SORCS1: variants seen among roughly 807,000 people sequenced by gnomAD.
The protein encoded by SORCS1 is VPS10 domain-containing receptor SorCS1.
Under a neutral mutation model 146.1 loss-of-function variants are expected in SORCS1, and 60 were observed. That is an observed-to-expected ratio of 0.41 (90% CI 0.33 to 0.51). The LOEUF (loss-of-function observed/expected upper bound fraction) is 0.51. Ranked by LOEUF, SORCS1 falls within the 20% of genes least tolerant of loss-of-function variation. SORCS1 has a pLI of 0.21. For missense variants in SORCS1, 1,352 were observed against 1,487.6 expected (o/e 0.91, Z 1.50); for synonymous variants, 637 against 584.0 (o/e 1.09, Z -1.31).
At chr10:106,718,453 T>C (rs566762609) in intron 6 of SORCS1, among the ~76,000 whole-genome samples, 6 of 152,358 alleles carry the variant, frequency 3.9e-5, no homozygotes, top group Admixed American at 2.0e-4. Flanking sequence ...TGTTCAGATG[T>C]GTCCAGAGTT....
intron 10 of SORCS1, among the ~76,000 whole-genome samples, chr10:106,682,219 C>T (rs890151123): frequency 1.3e-5 from 2 of 152,104 alleles, no homozygotes; most frequent in Non-Finnish European, 2.9e-5. Flanking sequence ...TTTCCATTGG[C>T]TACCTCAGCA....
intron 4 of SORCS1, among the ~76,000 whole-genome samples, chr10:106,768,929 C>T (rs1890456): frequency 0.28 from 42,100 of 151,950 alleles, 5,952 homozygotes; most frequent in Non-Finnish European, 0.3. Flanking sequence ...TATTATTGTT[C>T]CCACTTTACA....
intron 1 of SORCS1, among the ~76,000 whole-genome samples, chr10:106,994,063 C>CAAAAAA (rs67408221): frequency 4.1e-3 from 325 of 80,006 alleles, no homozygotes; most frequent in East Asian, 6.6e-3. Flanking sequence ...GACCCCATCT[C>CAAAAAA]AAAAAAAAAA....
chr10:106,987,187 G>A (rs964590860), intron 1 of SORCS1, among the ~76,000 whole-genome samples: 5 of 152,128 alleles, frequency 3.3e-5, no homozygotes, highest in Non-Finnish European at 7.4e-5. Context: ...GAGACTCTTT[G>A]GATTTTCACT....
chr10:107,078,732 T>A (rs1255836300), intron 1 of SORCS1, among the ~76,000 whole-genome samples: 1 of 152,160 alleles, frequency 6.6e-6, no homozygotes, highest in African/African-American at 2.4e-5. Context: ...CCTCTCCTCT[T>A]CCAAGAAAAC....
At chr10:107,058,692 G>A (rs1246009883) in intron 1 of SORCS1, among the ~76,000 whole-genome samples, 1 of 152,144 alleles carries the variant, frequency 6.6e-6, no homozygotes, top group Non-Finnish European at 1.5e-5. Context: ...TTATCTCATA[G>A]GGTGGTGAGT....
chr10:107,042,242 T>C (rs969829216), intron 1 of SORCS1, among the ~76,000 whole-genome samples: 2 of 152,200 alleles, frequency 1.3e-5, no homozygotes, highest in Admixed American at 6.5e-5. Context: ...ATTTCTGGCA[T>C]TGTAGAATTA....
intron 5 of SORCS1, among the ~76,000 whole-genome samples, chr10:106,741,169 T>C (rs1857333518): frequency 6.6e-6 from 1 of 151,962 alleles, no homozygotes; most frequent in Non-Finnish European, 1.5e-5. Context: ...CCACTCAGAG[T>C]GTATCAAGGT....
intron 1 of SORCS1, among the ~76,000 whole-genome samples, chr10:107,153,254 G>C (rs183240815): frequency 2.8e-4 from 42 of 151,900 alleles, no homozygotes; most frequent in Admixed American, 8.5e-4. Flanking sequence ...CCTTACTGTG[G>C]CCTTACGATA....
chr10:106,822,257 T>C (rs906489564), intron 3 of SORCS1, among the ~76,000 whole-genome samples: 3 of 152,186 alleles, frequency 2.0e-5, no homozygotes, highest in African/African-American at 7.2e-5. Flanking sequence ...AATAGGTGCT[T>C]TGATTTATAT....
intron 2 of SORCS1, among the ~76,000 whole-genome samples, chr10:106,871,073 T>C (rs1162648410): frequency 2.6e-5 from 4 of 152,114 alleles, no homozygotes; most frequent in African/African-American, 9.7e-5. Flanking sequence ...AAAGAAGACA[T>C]ACATGCAGCC....
intron 1 of SORCS1, among the ~76,000 whole-genome samples, chr10:107,131,017 T>C (rs181126473): frequency 1.3e-5 from 2 of 152,328 alleles, no homozygotes; most frequent in Admixed American, 1.3e-4. Context: ...TTGCCTATTC[T>C]GTATAACTCA....
At chr10:107,177,366 T>G in the SORCS1 span, among the ~76,000 whole-genome samples, 1 of 152,166 alleles carries the variant, frequency 6.6e-6, no homozygotes, top group African/African-American at 2.4e-5. Flanking sequence ...TTTCCCCCAA[T>G]GGTAACATCT....
Position 106,994,086 on chromosome 10 carries a change from A to AAAAAAAAAAAAAAAAAAAAG in SORCS1, c.559-37507_559-37506insCTTTTTTTTTTTTTTTTTTT, listed in dbSNP as rs1554908001. 7.4e-5 allele frequency among the ~76,000 whole-genome samples: 10 copies of AAAAAAAAAAAAAAAAAAAAG among 134,996 alleles called. 1 individual carries two copies. Among genetic ancestry groups the AAAAAAAAAAAAAAAAAAAAG allele is most frequent in the African/African-American group, 3.5e-4 (10 of 28,368 alleles). 88.6% of individuals were successfully genotyped at this position (134,996 alleles called of 152,430 possible). A position where few individuals can be genotyped will look rare whatever the true frequency, so the allele number is the denominator to read the frequency against. ...CTCAAAAAAAAAAAAAAAAAAAAAA[A>AAAAAAAAAAAAAAAAAAAAG]AGAAAATGAGAAGCAAACAAATTCA... On this transcript the variant is annotated intron_variant, in intron 1 of 25. Transcript: ENST00000263054.
intron 5 of SORCS1, among the ~76,000 whole-genome samples, chr10:106,739,424 G>T (rs1364377426): frequency 1.3e-5 from 2 of 151,432 alleles, no homozygotes; most frequent in Non-Finnish European, 2.9e-5. Context: ...GGCAGAGGCC[G>T]CAGTGAGCCA....
At chr10:106,635,732 C>G (rs1465297719) in intron 18 of SORCS1, among the ~76,000 whole-genome samples, 1 of 152,028 alleles carries the variant, frequency 6.6e-6, no homozygotes, top group Admixed American at 6.6e-5. Flanking sequence ...GTAACAAAGA[C>G]TTTGTTTTGA....
chr10:107,096,323 T>C (rs956339181), intron 1 of SORCS1, among the ~76,000 whole-genome samples: 14 of 152,230 alleles, frequency 9.2e-5, no homozygotes, highest in African/African-American at 3.4e-4. Flanking sequence ...GGTAGACAGA[T>C]CACTAGGTTT....
intron 2 of SORCS1, among the ~76,000 whole-genome samples, chr10:106,830,833 C>G (rs1948511232): frequency 6.6e-6 from 1 of 151,680 alleles, no homozygotes; most frequent in Non-Finnish European, 1.5e-5. Flanking sequence ...GAGGCAGAGA[C>G]TGTAGTGAGC....
intron 18 of SORCS1, among the ~76,000 whole-genome samples, chr10:106,630,001 T>C (rs903597013): frequency 1.6e-4 from 24 of 152,140 alleles, no homozygotes; most frequent in Non-Finnish European, 3.4e-4. Context: ...GCCAAGATCA[T>C]GCCACTGCAC....
Sources: gnomAD v4.1 joint callset for allele counts (sites outside exome capture counted in the v4.1 genomes callset) on GRCh38, gnomAD v4.1.1 for gene constraint, MANE v1.5 for transcripts, NCBI Gene and HGNC (gene_info 2026-07-23, HGNC 2026-07-21) for gene names.